ASIC2: variants seen among roughly 807,000 people sequenced by gnomAD.
The protein encoded by ASIC2 is acid-sensing ion channel 2.
A neutral mutation model predicts 57.3 loss-of-function variants in ASIC2; 25 were observed. The observed-to-expected ratio is 0.44, with a 90% CI of 0.32 to 0.61. The LOEUF (loss-of-function observed/expected upper bound fraction) is 0.61, where lower values mean the gene tolerates loss of function less well. ASIC2 is among the 20% of genes least tolerant of loss of function. The probability of loss-of-function intolerance (pLI) is 0.06; values close to 1 mark genes in which losing one functional copy is unlikely to be tolerated. For synonymous variants in ASIC2, 319 were observed against 307.5 expected (o/e 1.04, Z -0.39); for missense variants, 641 against 738.1 (o/e 0.87, Z 1.52).
At chr17:33,636,011 T>C (rs1344324944) in intron 1 of ASIC2, among the ~76,000 whole-genome samples, 1 of 152,234 alleles carries the variant, frequency 6.6e-6, no homozygotes, top group Non-Finnish European at 1.5e-5. Context: ...CAATTTTATA[T>C]TAATTGACAT....
chr17:33,245,029 A>T (rs1236435306), intron 1 of ASIC2, among the ~76,000 whole-genome samples: 1 of 152,230 alleles, frequency 6.6e-6, no homozygotes, highest in Non-Finnish European at 1.5e-5. Flanking sequence ...GCATTAACAT[A>T]GTCTATTCTG....
At chr17:33,769,613 C>T (rs1299754797) in intron 1 of ASIC2, among the ~76,000 whole-genome samples, 1 of 152,196 alleles carries the variant, frequency 6.6e-6, no homozygotes, top group East Asian at 1.9e-4. Context: ...CAGATATCTG[C>T]ATAAATTTAG....
intron 1 of ASIC2, among the ~76,000 whole-genome samples, chr17:33,548,223 G>T (rs1428416935): frequency 6.6e-6 from 1 of 152,232 alleles, no homozygotes; most frequent in Non-Finnish European, 1.5e-5. Flanking sequence ...GAAAAGAGGT[G>T]CTTTCATTGG....
intron 1 of ASIC2, among the ~76,000 whole-genome samples, chr17:33,681,187 T>C (rs1214589329): frequency 6.6e-6 from 1 of 152,248 alleles, no homozygotes; most frequent in Non-Finnish European, 1.5e-5. Context: ...CTCCTTTCCC[T>C]GGCCCAGGGG....
At chr17:34,011,157 A>G (rs1906741376) in intron 1 of ASIC2, among the ~76,000 whole-genome samples, 4 of 152,170 alleles carry the variant, frequency 2.6e-5, no homozygotes, top group Admixed American at 2.6e-4. Flanking sequence ...ATAGACACAT[A>G]GAGATGCCTC....
intron 1 of ASIC2, among the ~76,000 whole-genome samples, chr17:34,099,391 GA>G (rs1382720256): frequency 7.7e-6 from 1 of 129,100 alleles, no homozygotes. Flanking sequence ...AGAGAAAGAG[GA>G]AAAAAGAGAG....
chr17:34,076,123 CTTGCGAG>C (rs1909641281), intron 1 of ASIC2, among the ~76,000 whole-genome samples: 1 of 152,124 alleles, frequency 6.6e-6, no homozygotes. Context: ...CTGCCTCAGC[CTTGCGAG>C]TAGCTGGGAC....
intron 1 of ASIC2, among the ~76,000 whole-genome samples, chr17:33,951,420 C>G (rs1359027716): frequency 1.3e-5 from 2 of 152,106 alleles, no homozygotes; most frequent in Non-Finnish European, 2.9e-5. Context: ...CTGTGCCTTC[C>G]TGTGCTGTAT....
chr17:33,383,921 A>T (rs1442557859), intron 1 of ASIC2, among the ~76,000 whole-genome samples: 2 of 152,232 alleles, frequency 1.3e-5, no homozygotes, highest in Non-Finnish European at 2.9e-5. Context: ...TAGCAGAAGC[A>T]TCAAAGGCTT....
intron 1 of ASIC2, among the ~76,000 whole-genome samples, chr17:33,691,076 T>G (rs1280241820): frequency 6.6e-6 from 1 of 152,164 alleles, no homozygotes; most frequent in African/African-American, 2.4e-5. Flanking sequence ...TTCTTAACAG[T>G]TAAATAGCAT....
intron 1 of ASIC2, among the ~76,000 whole-genome samples, chr17:33,926,075 T>C (rs1403224077): frequency 6.6e-6 from 1 of 152,224 alleles, no homozygotes; most frequent in Non-Finnish European, 1.5e-5. Flanking sequence ...CCCCATAGAC[T>C]ATCATCGAAG....
intron 4 of ASIC2, among the ~76,000 whole-genome samples, chr17:33,026,188 C>A (rs2091858702): frequency 1.3e-5 from 2 of 152,192 alleles, no homozygotes; most frequent in Admixed American, 1.3e-4. Context: ...TAAGCTTGGG[C>A]AGGCTGTTCA....
intron 1 of ASIC2, among the ~76,000 whole-genome samples, chr17:34,085,580 T>C (rs1910084196): frequency 6.6e-6 from 1 of 152,358 alleles, no homozygotes; most frequent in South Asian, 2.1e-4. Context: ...ATTCCCTCTT[T>C]TTCTATTGAT....
intron 1 of ASIC2, among the ~76,000 whole-genome samples, chr17:33,380,849 A>G (rs1909463189): frequency 1.3e-5 from 2 of 152,208 alleles, no homozygotes; most frequent in Admixed American, 1.3e-4. Flanking sequence ...GGCCTCTGAA[A>G]GGTCCAGTCT....
chr17:33,504,699 T>A (rs1230849039), intron 1 of ASIC2, among the ~76,000 whole-genome samples: 2 of 152,168 alleles, frequency 1.3e-5, no homozygotes, highest in Non-Finnish European at 2.9e-5. Context: ...TGGTGACTGT[T>A]CAGCTTCTGG....
In ASIC2 at chr17:33,330,003, G is replaced by A. The variant is rs369282771; in HGVS notation, c.556-217936C>T. 3.7e-4 allele frequency among the ~76,000 whole-genome samples: 56 copies of A among 152,298 alleles called. 1 individual carries two copies. In the South Asian group the frequency reaches 9.8e-3, roughly 27 times the overall value. ...CTAGATATCCTACCTGTCCCTGTAG[G>A]AAAAGGGTTGTGTTCTCATCATGGC... On this transcript the variant is annotated intron_variant, in intron 1 of 9. Transcript: ENST00000359872.
At chr17:33,696,571 G>T (rs1169485553) in intron 1 of ASIC2, among the ~76,000 whole-genome samples, 1 of 152,170 alleles carries the variant, frequency 6.6e-6, no homozygotes, top group Non-Finnish European at 1.5e-5. Flanking sequence ...CCCCATGGGT[G>T]GGAGGTGGGT....
chr17:33,382,428 G>A (rs1312495443), intron 1 of ASIC2, among the ~76,000 whole-genome samples: 2 of 152,124 alleles, frequency 1.3e-5, no homozygotes, highest in Non-Finnish European at 2.9e-5. Context: ...TATGTCTCCA[G>A]ACCCCAAAAT....
intron 1 of ASIC2, among the ~76,000 whole-genome samples, chr17:33,713,938 G>A (rs1381975033): frequency 6.6e-6 from 1 of 152,028 alleles, no homozygotes; most frequent in Non-Finnish European, 1.5e-5. Context: ...ATTATTTTCA[G>A]TCCCCTTTCT....
Sources: allele counts gnomAD v4.1 joint callset (sites outside exome capture counted in the v4.1 genomes callset), GRCh38; gene constraint gnomAD v4.1.1; transcripts MANE v1.5; gene names NCBI Gene and HGNC (gene_info 2026-07-23, HGNC 2026-07-21).